The following ITGAE variants were observed in gnomAD, a reference collection of about 807,000 sequenced individuals.
ITGAE encodes the protein integrin alpha-E.
Under a neutral mutation model 136.5 loss-of-function variants are expected in ITGAE, and 99 were observed. The observed-to-expected ratio is 0.73, with a 90% CI of 0.62 to 0.86. The LOEUF is 0.86. Among genes scored for constraint, ITGAE ranks in the 40% least tolerant of loss-of-function variants. The pLI, the probability that ITGAE is intolerant of heterozygous loss-of-function variation, is 0.00. For synonymous variants in ITGAE, 613 were observed against 591.8 expected (o/e 1.04, Z -0.52); for missense variants, 1,447 against 1,515.3 (o/e 0.95, Z 0.75).
At chr17:3,777,170 C>T (rs567508146) in intron 2 of ITGAE, among the ~76,000 whole-genome samples, 21 of 151,966 alleles carry the variant, frequency 1.4e-4, no homozygotes, top group African/African-American at 4.8e-4. Context: ...ACCGTGTTAG[C>T]CAGGATGGTC....
chr17:3,755,015 GCCCTCGCCCACGTAGCCCTCAGGCCCCA>G (rs1458063001), intron 12 of ITGAE, 74 bp downstream of exon 12: 32 of 190,480 alleles, frequency 1.7e-4, no homozygotes, highest in South Asian at 1.5e-3. Flanking sequence ...GGTAGGCCCC[GCCCTCGCCCACGTAGCCCTCAGGCCCCA>G]CCCTCGCCCA....
In ITGAE at chr17:3,792,341, T is replaced by C. The variant is rs997423799; in HGVS notation, c.34+8770A>G. 3.3e-5 allele frequency among the ~76,000 whole-genome samples: 5 copies of C among 152,152 alleles called. No individual in the cohort carries two copies. In the East Asian group the frequency reaches 7.7e-4, roughly 23 times the overall value. ...TTCACCATATTGCCCAGGCTGGTAT[T>C]GAACTCCTCAGGTGATCCGCCCGCC... is the stretch of plus-strand genomic sequence containing the variant. On this transcript the variant is annotated intron_variant, in intron 1 of 30. Transcript: ENST00000263087.
At chr17:3,797,852 C>G (rs138634734) in intron 1 of ITGAE, among the ~76,000 whole-genome samples, 2 of 152,200 alleles carry the variant, frequency 1.3e-5, no homozygotes, top group Non-Finnish European at 2.9e-5. Flanking sequence ...AGCCTCCTCA[C>G]GGGCCTCTCT....
chr17:3,762,074 C>G, intron 3 of ITGAE, 92 bp from the exon 4 acceptor site: 1 of 1,046,786 alleles, frequency 9.6e-7, no homozygotes, highest in Non-Finnish European at 1.4e-6. Context: ...CCACCTTGGT[C>G]AGGCCCCCAT....
intron 3 of ITGAE, 112 bp from the exon 4 acceptor site, chr17:3,762,094 T>C (rs1334253990): frequency 2.1e-5 from 17 of 820,982 alleles, no homozygotes; most frequent in South Asian, 1.1e-4. Flanking sequence ...TGAGGAACTG[T>C]TGGCCACTCA....
At chr17:3,724,763 G>T in intron 26 of ITGAE, 3 of 1,614,208 alleles carry the variant, frequency 1.9e-6, no homozygotes, top group Non-Finnish European at 2.5e-6. Context: ...GGAAACTGGT[G>T]GTGGGAAATG....
At position 3,731,953 on chromosome 17, in the gene ITGAE, G is replaced by A. The variant is rs148383880; in HGVS notation, c.2754+415C>T. Among the ~76,000 whole-genome samples, 544 of 152,162 alleles carry A rather than the reference G, an allele frequency of 3.6e-3. 4 individuals are homozygous for A. The highest frequency in any genetic ancestry group is 0.012 in the African/African-American group (509 of 41,536). ...TAGCCGGGTGTAGTGCTGCACGCCT[G>A]TAATCCCAGCTACTCAGGAGGCTGA... On this transcript the variant is annotated intron_variant, in intron 22 of 30. Transcript: ENST00000263087.
At chr17:3,797,998 G>A (rs1165249256) in intron 1 of ITGAE, among the ~76,000 whole-genome samples, 4 of 152,108 alleles carry the variant, frequency 2.6e-5, no homozygotes, top group East Asian at 1.9e-4. Flanking sequence ...AGGTCCCCAC[G>A]TTCCTCACCA....
rs1419117760 is a variant in ITGAE, at chr17:3,788,738, T to TATTAAAATAATTATTTAAAAATAATA, written c.35-11104_35-11079dup. 2.0e-5 allele frequency among the ~76,000 whole-genome samples: 3 copies of TATTAAAATAATTATTTAAAAATAATA among 146,376 alleles called. No homozygotes were observed. The East Asian group carries it at 5.9e-4, about 29-fold the overall frequency. ...AAAATAATTATTTAAAAATAATAAT[T>TATTAAAATAATTATTTAAAAATAATA]ATTAAAATAATTATTTAAAAATAAT... On this transcript the variant is annotated intron_variant, in intron 1 of 30. Coordinates refer to ENST00000263087, the MANE Select transcript of ITGAE (RefSeq NM_002208.5).
At chr17:3,748,870 G>A (rs1221181474) in intron 16 of ITGAE, among the ~76,000 whole-genome samples, 1 of 152,156 alleles carries the variant, frequency 6.6e-6, no homozygotes, top group Non-Finnish European at 1.5e-5. Context: ...TGGAGGGGCG[G>A]GAAGGGCCAG....
Position 3,785,496 on chromosome 17 carries a change from G to GA in ITGAE, c.35-7837dup, listed in dbSNP as rs549502369. On this transcript the variant is annotated intron_variant, in intron 1 of 30. Coordinates refer to ENST00000263087, the MANE Select transcript of ITGAE (RefSeq NM_002208.5). ...GAAAGAAAGGAAGGAAGGAAGGAAG[G>GA]AGGAAGGAAGGAAGGAAGGAAGGAA... 6.5e-5 allele frequency among the ~76,000 whole-genome samples: 7 copies of GA among 107,804 alleles called. No individual in the cohort carries two copies. In the South Asian group the frequency reaches 1.4e-3, roughly 22 times the overall value. 70.7% of individuals were successfully genotyped at this position (107,804 alleles called of 152,430 possible).
intron 11 of ITGAE, 128 bp from the exon 12 acceptor site, chr17:3,755,389 C>T: frequency 2.7e-6 from 3 of 1,124,750 alleles, no homozygotes; most frequent in East Asian, 2.7e-5. Context: ...GGTCTAGTGC[C>T]CGCCTGGCCA....
chr17:3,762,004 G>A (rs1333671620), intron 3 of ITGAE, 22 bp from the exon 4 acceptor site: 1 of 1,591,102 alleles, frequency 6.3e-7, no homozygotes, highest in African/African-American at 1.3e-5. Flanking sequence ...AAGCCCAGGT[G>A]AGGAGGAGGA....
intron 7 of ITGAE, 40 bp downstream of exon 7, chr17:3,760,132 A>C (rs1475969473): frequency 8.5e-7 from 1 of 1,172,804 alleles, no homozygotes; most frequent in Non-Finnish European, 1.3e-6. Flanking sequence ...GGTGATTCTC[A>C]GCAATAGATA....
At chr17:3,716,996 T>C in intron 29 of ITGAE, 198 bp from the exon 30 acceptor site, 1 of 511,268 alleles carries the variant, frequency 2.0e-6, no homozygotes, top group Non-Finnish European at 3.5e-6. Flanking sequence ...ATCACCCAAA[T>C]ACTTCGTAAG....
chr17:3,729,451 C>T (rs760879153), intron 24 of ITGAE, 27 bp downstream of exon 24: 86 of 1,477,460 alleles, frequency 5.8e-5, no homozygotes, highest in Non-Finnish European at 7.2e-5. Flanking sequence ...GGAGTCACAC[C>T]GCTGCTGGCC....
At chr17:3,722,047 C>T (rs530021966) in intron 28 of ITGAE, among the ~76,000 whole-genome samples, 183 of 152,064 alleles carry the variant, frequency 1.2e-3, no homozygotes, top group African/African-American at 4.1e-3. Flanking sequence ...GGTATGGTGG[C>T]GCATACCTGT....
rs1597341634 is a variant in ITGAE at position 3,759,693 on chromosome 17, A to G, written c.715-140T>C. ...GAAAGAGATGCTAAGGCAGAGCAAA[A>G]TCTCTAAGCGAGTAGGGGTGGAGAA... On this transcript the variant is annotated intron_variant, in intron 7 of 30. Transcript: ENST00000263087. 4.3e-5 allele frequency: 42 copies of G among 987,538 alleles called. No homozygotes were observed. In the East Asian group the frequency reaches 1.1e-3, roughly 25 times the overall value. 61.2% of individuals were successfully genotyped at this position (987,538 alleles called of 1,614,324 possible).
At position 3,798,754 on chromosome 17, in the gene ITGAE, AC is replaced by A. The variant is rs2053182065; in HGVS notation, c.34+2356del. 6.6e-6 allele frequency among the ~76,000 whole-genome samples: 1 copy of A among 152,022 alleles called. No individual in the cohort carries two copies. Among genetic ancestry groups the A allele is most frequent in the Non-Finnish European group, 1.5e-5 (1 of 68,000 alleles). ...TTCTTCACGCAAGGGTGGAAACTCA[AC>A]CTCTGAGACCCAGGATGGAGAAGTG... On this transcript the variant is annotated intron_variant, in intron 1 of 30. Coordinates refer to ENST00000263087, the MANE Select transcript of ITGAE (RefSeq NM_002208.5). This position sits in a 1 kb window ranked among gnomAD's most constrained non-coding sequence, Gnocchi z 4.3.
Sources: gnomAD v4.1 joint callset for allele counts (sites outside exome capture counted in the v4.1 genomes callset) on GRCh38, gnomAD v4.1.1 for gene constraint, Gnocchi (gnomAD v3.1) non-coding constraint, MANE v1.5 for transcripts, NCBI Gene and HGNC (gene_info 2026-07-23, HGNC 2026-07-21) for gene names.